Variants in SGCD observed in about 807,000 individuals in gnomAD.
SGCD encodes sarcoglycan delta, also known as delta-sarcoglycan.
A neutral mutation model predicts 36.6 loss-of-function variants in SGCD; 18 were observed. That is an observed-to-expected ratio of 0.49 (90% confidence interval 0.34 to 0.73). SGCD has a LOEUF of 0.73. SGCD is among the 30% of genes least tolerant of loss of function. The pLI, the probability that SGCD is intolerant of heterozygous loss-of-function variation, is 0.01. For missense variants in SGCD, 387 were observed against 346.7 expected, an observed-to-expected ratio of 1.12 and a Z score of -0.92; for synonymous variants, 133 against 130.6, an observed-to-expected ratio of 1.02 and a Z score of -0.12.
chr5:156,292,715 C>T (rs1167570497), intron 3 of SGCD, among the ~76,000 whole-genome samples: 1 of 151,984 alleles, frequency 6.6e-6, no homozygotes, highest in African/African-American at 2.4e-5. Context: ...TTTAGATTCC[C>T]ACAGGCAGTA....
chr5:156,578,812 T>TTG (rs1231869207), intron 4 of SGCD, among the ~76,000 whole-genome samples: 3 of 152,238 alleles, frequency 2.0e-5, no homozygotes, highest in African/African-American at 2.4e-5. Context: ...TCTTTTCTTC[T>TTG]GTATTAGTCT....
At chr5:155,849,578 G>A in the SGCD span, among the ~76,000 whole-genome samples, 1 of 152,166 alleles carries the variant, frequency 6.6e-6, no homozygotes, top group African/African-American at 2.4e-5. Flanking sequence ...TCTCGTGTAA[G>A]TTTTTGGAAG....
At chr5:156,140,373 G>T (rs1361202182) in intron 3 of SGCD, among the ~76,000 whole-genome samples, 5 of 152,194 alleles carry the variant, frequency 3.3e-5, no homozygotes, top group African/African-American at 1.2e-4. Context: ...TCTTAAAGAT[G>T]ATCTAAGTAG....
At chr5:156,136,952 G>C (rs936053183) in intron 3 of SGCD, among the ~76,000 whole-genome samples, 3 of 152,116 alleles carry the variant, frequency 2.0e-5, no homozygotes, top group African/African-American at 7.2e-5. Flanking sequence ...AAGAAATCAA[G>C]AAACCACTCA....
chr5:155,810,967 G>A, the SGCD span, among the ~76,000 whole-genome samples: 5 of 139,574 alleles, frequency 3.6e-5, no homozygotes, highest in African/African-American at 1.4e-4. Flanking sequence ...ACAGGCGCCC[G>A]CCACTATGCC....
At chr5:155,853,641 A>G in the SGCD span, among the ~76,000 whole-genome samples, 4 of 152,228 alleles carry the variant, frequency 2.6e-5, no homozygotes, top group African/African-American at 4.8e-5. Flanking sequence ...TCTGTGTTCT[A>G]TAAACCAAGT....
At chr5:156,000,794 T>TCA (rs1320579498) in intron 1 of SGCD, among the ~76,000 whole-genome samples, 7 of 145,248 alleles carry the variant, frequency 4.8e-5, no homozygotes, top group East Asian at 1.9e-4. Flanking sequence ...TTTTTTTTCC[T>TCA]CACACATATA....
chr5:156,207,581 G>C (rs1764323306), intron 3 of SGCD, among the ~76,000 whole-genome samples: 1 of 152,102 alleles, frequency 6.6e-6, no homozygotes, highest in Non-Finnish European at 1.5e-5. Flanking sequence ...AAAATTAGTA[G>C]TTTGGTGCAA....
chr5:156,529,832 G>A (rs1757811775), intron 4 of SGCD, among the ~76,000 whole-genome samples: 1 of 152,202 alleles, frequency 6.6e-6, no homozygotes, highest in Non-Finnish European at 1.5e-5. Flanking sequence ...TAACCATGAT[G>A]TTTTAAATGG....
chr5:156,629,564 A>T (rs779156708), intron 6 of SGCD, among the ~76,000 whole-genome samples: 2 of 152,300 alleles, frequency 1.3e-5, no homozygotes, highest in East Asian at 3.9e-4. Flanking sequence ...ATTCCAAGGG[A>T]TGATAAGGTA....
At chr5:156,329,422 A>C in intron 1 of SGCD, 112 bp from the exon 2 acceptor site, 1 of 761,310 alleles carries the variant, frequency 1.3e-6, no homozygotes. Context: ...TTCTGGAAGT[A>C]ATCAGAAAGC....
At chr5:155,847,328 A>G in the SGCD span, among the ~76,000 whole-genome samples, 1 of 152,216 alleles carries the variant, frequency 6.6e-6, no homozygotes, top group African/African-American at 2.4e-5. Flanking sequence ...AGAACTCAAA[A>G]TCACATTGGG....
At chr5:156,273,622 A>C (rs1362199112) in intron 3 of SGCD, among the ~76,000 whole-genome samples, 2 of 152,188 alleles carry the variant, frequency 1.3e-5, no homozygotes, top group African/African-American at 4.8e-5. Context: ...GAAGAAAAGA[A>C]TTTTTAGCAT....
intron 3 of SGCD, among the ~76,000 whole-genome samples, chr5:156,478,248 T>A (rs1755274680): frequency 6.6e-6 from 1 of 152,208 alleles, no homozygotes. Context: ...GGGACCTATA[T>A]CAGAAATTCG....
intron 3 of SGCD, among the ~76,000 whole-genome samples, chr5:156,475,209 A>G (rs1351060670): frequency 3.9e-5 from 6 of 152,112 alleles, no homozygotes; most frequent in Non-Finnish European, 7.4e-5. Context: ...ATACCCATTC[A>G]TTATTTTTTA....
chr5:156,709,416 T>C (rs1200824263), intron 7 of SGCD, among the ~76,000 whole-genome samples: 2 of 152,182 alleles, frequency 1.3e-5, no homozygotes, highest in African/African-American at 2.4e-5. Flanking sequence ...TGAGAGTAAC[T>C]ACATGCAAGT....
chr5:156,545,564 C>A (rs73297178), intron 4 of SGCD, among the ~76,000 whole-genome samples: 2 of 152,038 alleles, frequency 1.3e-5, no homozygotes, highest in Non-Finnish European at 2.9e-5. Context: ...TCATAAGGAG[C>A]GCCCGACCTA....
At chr5:156,490,516 G>A (rs1361159982) in intron 3 of SGCD, among the ~76,000 whole-genome samples, 1 of 151,402 alleles carries the variant, frequency 6.6e-6, no homozygotes, top group Non-Finnish European at 1.5e-5. Flanking sequence ...ATAATCAAGT[G>A]GAATTTATCC....
chr5:155,946,570 C>T (rs1461674256), intron 1 of SGCD, among the ~76,000 whole-genome samples: 7 of 152,120 alleles, frequency 4.6e-5, no homozygotes, highest in Non-Finnish European at 1.0e-4. Context: ...ATCTCCTTCT[C>T]AATCTTCCTA....
Sources: allele counts gnomAD v4.1 joint callset (sites outside exome capture counted in the v4.1 genomes callset), GRCh38; gene constraint gnomAD v4.1.1; transcripts MANE v1.5; gene names NCBI Gene and HGNC (gene_info 2026-07-23, HGNC 2026-07-21).